Variants in BCL2L13 observed in about 807,000 individuals in gnomAD.
The protein encoded by BCL2L13 is bcl-2-like protein 13.
BCL2L13 carries 13 observed loss-of-function variants against 25.8 expected under a neutral mutation model. The observed-to-expected ratio is 0.50, with a 90% confidence interval of 0.33 to 0.80. The LOEUF is 0.80. Ranked by LOEUF, BCL2L13 falls within the 30% of genes least tolerant of loss-of-function variation. The probability of loss-of-function intolerance (pLI) is 0.02; values close to 1 mark genes in which losing one functional copy is unlikely to be tolerated. For synonymous variants in BCL2L13, 244 were observed against 230.3 expected (o/e 1.06, Z -0.54); for missense variants, 504 against 574.9 (o/e 0.88, Z 1.26).
At chr22:17,693,357 A>G (rs1601687053) in intron 4 of BCL2L13, among the ~76,000 whole-genome samples, 1 of 77,824 alleles carries the variant, frequency 1.3e-5, no homozygotes, top group African/African-American at 4.3e-5. Context: ...TTATTTATTT[A>G]TTTATTTAGT....
intron 5 of BCL2L13, among the ~76,000 whole-genome samples, chr22:17,701,233 A>C (rs1390666320): frequency 6.6e-6 from 1 of 152,210 alleles, no homozygotes; most frequent in Non-Finnish European, 1.5e-5. Flanking sequence ...GAGTTTTACA[A>C]GATAGCTCTT....
In BCL2L13 at chr22:17,702,338, A is replaced by G. The variant is rs150737537; in HGVS notation, c.552A>G (p.Thr184=). The G allele has an allele frequency of 7.1e-5, 115 of 1,612,330 alleles. No homozygotes were observed. Among genetic ancestry groups the G allele is most frequent in the Non-Finnish European group, 8.3e-5 (98 of 1,179,118 alleles). Residue 184 remains threonine, a synonymous_variant, in exon 6 of 7, where the codon ACA becomes ACG. Transcript: ENST00000317582. ...GCGCACTGCTGCAGTTTGGCGTGACATACCTGGAGGACTATTCGGCAGAGT... is the reference window on the plus strand; with the variant it reads ...GCGCACTGCTGCAGTTTGGCGTGACGTACCTGGAGGACTATTCGGCAGAGT... The part of the protein sequence containing the change: ...PLSALLQFGV[T]YLEDYSAEYI...
upstream of BCL2L13, among the ~76,000 whole-genome samples, chr22:17,637,011 C>A (rs12157642): frequency 6.6e-6 from 1 of 151,550 alleles, no homozygotes; most frequent in African/African-American, 2.4e-5. Context: ...GGTGGCGCAC[C>A]CCTGTAATCC....
intron 1 of BCL2L13, among the ~76,000 whole-genome samples, chr22:17,649,871 CTT>C (rs71201855): frequency 0.027 from 2,568 of 94,356 alleles, 61 homozygotes; most frequent in African/African-American, 0.09. Flanking sequence ...TTTTTCTTTT[CTT>C]TTTTTTTTTT....
intron 4 of BCL2L13, among the ~76,000 whole-genome samples, chr22:17,694,826 A>T (rs1018485230): frequency 1.3e-5 from 2 of 152,212 alleles, no homozygotes; most frequent in Admixed American, 1.3e-4. Context: ...GGTGGTGGGG[A>T]AAATGTGTGT....
chr22:17,681,431 G>A (rs1002229957), intron 2 of BCL2L13, among the ~76,000 whole-genome samples: 8 of 151,820 alleles, frequency 5.3e-5, no homozygotes, highest in Non-Finnish European at 8.8e-5. Context: ...CCTGGGAGGC[G>A]GAGCTTACAG....
At chr22:17,649,190 C>G (rs923379405) in intron 1 of BCL2L13, among the ~76,000 whole-genome samples, 4 of 152,104 alleles carry the variant, frequency 2.6e-5, no homozygotes, top group African/African-American at 9.7e-5. Flanking sequence ...TTCTGCCTCC[C>G]AGGCTCAATC....
At chr22:17,641,539 T>A (rs186885383) in intron 1 of BCL2L13, among the ~76,000 whole-genome samples, 6 of 152,286 alleles carry the variant, frequency 3.9e-5, no homozygotes, top group Middle Eastern at 3.4e-3. Flanking sequence ...TGATTTTTTT[T>A]AACAACTTTA....
intron 6 of BCL2L13, among the ~76,000 whole-genome samples, chr22:17,717,404 C>T (rs981853119): frequency 8.4e-5 from 10 of 118,958 alleles, no homozygotes; most frequent in Non-Finnish European, 1.6e-4. Flanking sequence ...TGTTGTTGTT[C>T]CCTCTTCCGT....
chr22:17,661,643 A>G (rs1350792407), intron 2 of BCL2L13, among the ~76,000 whole-genome samples: 1 of 145,970 alleles, frequency 6.9e-6, no homozygotes, highest in Admixed American at 6.9e-5. Flanking sequence ...CACGTAAATA[A>G]ATAGAAATCC....
At position 17,655,833 on chromosome 22, in the gene BCL2L13, G is replaced by T; in HGVS notation, c.121+1G>T. The T allele has an allele frequency of 6.2e-7, 1 of 1,609,970 alleles. No individual in the cohort carries two copies. Among genetic ancestry groups the T allele is most frequent in the Non-Finnish European group, 8.5e-7 (1 of 1,178,396 alleles). On this transcript the variant is annotated splice_donor_variant, in intron 2 of 6. Transcript: ENST00000317582. LOFTEE classifies it high-confidence loss of function. Reference sequence around the variant, plus strand: ...GAGCAACATCTTTCCTCACCCCAAGGTATTATCTTTGGCTTATGGTGGTTA... The same window carrying T: ...GAGCAACATCTTTCCTCACCCCAAGTTATTATCTTTGGCTTATGGTGGTTA...
rs1177941403 is a variant in BCL2L13, at chr22:17,728,414, C to T, written c.*880C>T. ...ACTCTGGCTAGAGAGACACATGTGT[C>T]TTGTGTCAAGGCAGGAGGATAACCT... On this transcript the variant is annotated 3_prime_UTR_variant, in exon 7 of 7. Coordinates refer to ENST00000317582, the MANE Select transcript of BCL2L13 (RefSeq NM_015367.4). The T allele has an allele frequency of 6.6e-6, 1 of 152,220 alleles. No individual in the cohort carries two copies. The highest frequency in any genetic ancestry group is 1.5e-5 in the Non-Finnish European group (1 of 68,048). The allele number at this position is 152,220 out of a possible 1,614,324, so 9.4% of individuals were successfully genotyped here. A position where few individuals can be genotyped will look rare whatever the true frequency, so the allele number is the denominator to read the frequency against.
At chr22:17,633,695 G>A (rs1750184999), upstream of BCL2L13, among the ~76,000 whole-genome samples, 1 of 152,192 alleles carries the variant, frequency 6.6e-6, no homozygotes, top group Non-Finnish European at 1.5e-5. Flanking sequence ...GTCTTTAAAT[G>A]TTGAGCAAAT....
rs942046187 is a variant in BCL2L13 at position 17,723,906 on chromosome 22, C to G, written c.601-2771C>G. Among the ~76,000 whole-genome samples, 4 of 149,880 alleles carry G rather than the reference C, an allele frequency of 2.7e-5. No individual in the cohort carries two copies. The Admixed American group carries it at 2.7e-4, about 10-fold the overall frequency. On this transcript the variant is annotated intron_variant, in intron 6 of 6. Transcript: ENST00000317582. ...CAAGATTGCACCACTGCACTCCAGC[C>G]TGATGACAGAGTGAGACTCCGTCTC...
chr22:17,681,956 A>G (rs934655112), intron 2 of BCL2L13, among the ~76,000 whole-genome samples: 3 of 152,174 alleles, frequency 2.0e-5, no homozygotes, highest in Non-Finnish European at 4.4e-5. Flanking sequence ...GCATATGTGT[A>G]TATACACATA....
At chr22:17,702,451 G>C (rs1208357476) in intron 6 of BCL2L13, 65 bp downstream of exon 6, 8 of 1,406,446 alleles carry the variant, frequency 5.7e-6, no homozygotes, top group Non-Finnish European at 7.5e-6. Context: ...TTTTTCTTAA[G>C]AGATGGGTTC....
chr22:17,718,161 G>A (rs2061000190), intron 6 of BCL2L13, among the ~76,000 whole-genome samples: 1 of 151,878 alleles, frequency 6.6e-6, no homozygotes, highest in African/African-American at 2.4e-5. Context: ...AGTAATACAG[G>A]GAGGGAGGGA....
At chr22:17,687,120 G>A (rs2059964887) in intron 3 of BCL2L13, among the ~76,000 whole-genome samples, 1 of 152,144 alleles carries the variant, frequency 6.6e-6, no homozygotes, top group Non-Finnish European at 1.5e-5. Context: ...ATAGGAGTAA[G>A]CGTTAGATTA....
chr22:17,719,119 A>G (rs1311348171), intron 6 of BCL2L13, among the ~76,000 whole-genome samples: 1 of 139,200 alleles, frequency 7.2e-6, no homozygotes, highest in Non-Finnish European at 1.5e-5. Flanking sequence ...GCACCACTAC[A>G]CTCCAGCCTG....
Sources: gnomAD v4.1 joint callset for allele counts (sites outside exome capture counted in the v4.1 genomes callset) on GRCh38, gnomAD v4.1.1 for gene constraint, MANE v1.5 for transcripts, NCBI Gene and HGNC (gene_info 2026-07-23, HGNC 2026-07-21) for gene names.